ARHGAP22: variants seen among roughly 807,000 people sequenced by gnomAD.
ARHGAP22 encodes rho GTPase-activating protein 22.
ARHGAP22 carries 48 observed loss-of-function variants against 59.1 expected under a neutral mutation model. The ratio of observed to expected loss-of-function variants is 0.81; its 90% CI spans 0.64 to 1.03. The LOEUF (loss-of-function observed/expected upper bound fraction) is 1.03. Among genes scored for constraint, ARHGAP22 ranks in the 50% least tolerant of loss-of-function variants. The probability of loss-of-function intolerance (pLI) is 0.00; values close to 1 mark genes in which losing one functional copy is unlikely to be tolerated. For missense variants in ARHGAP22, 1,015 were observed against 958.7 expected, an observed-to-expected ratio of 1.06 and a Z score of -0.78; for synonymous variants, 445 against 416.4, an observed-to-expected ratio of 1.07 and a Z score of -0.84.
At chr10:48,524,142 C>T (rs1221327912) in intron 3 of ARHGAP22, 4 of 1,240,188 alleles carry the variant, frequency 3.2e-6, no homozygotes, top group African/African-American at 1.6e-5. Context: ...GCTCCTCTCC[C>T]CGCCTGCCGC....
chr10:48,520,687 G>T (rs1170737797), intron 3 of ARHGAP22, among the ~76,000 whole-genome samples: 1 of 152,182 alleles, frequency 6.6e-6, no homozygotes, highest in African/African-American at 2.4e-5. Context: ...GGAGTTGACG[G>T]GAGGGAGGGT....
chr10:48,535,691 G>C (rs2055282153), intron 3 of ARHGAP22, among the ~76,000 whole-genome samples: 1 of 152,232 alleles, frequency 6.6e-6, no homozygotes, highest in South Asian at 2.1e-4. Flanking sequence ...TGGCACCCAA[G>C]CTGGTGCGTT....
intron 1 of ARHGAP22, among the ~76,000 whole-genome samples, chr10:48,641,772 A>C (rs1448186734): frequency 6.6e-6 from 1 of 152,146 alleles, no homozygotes; most frequent in East Asian, 1.9e-4. Context: ...AAGAAATAAA[A>C]GGTATTCAAT....
intron 1 of ARHGAP22, among the ~76,000 whole-genome samples, chr10:48,614,901 T>C (rs1218753266): frequency 1.3e-5 from 2 of 152,238 alleles, no homozygotes; most frequent in African/African-American, 2.4e-5. Flanking sequence ...CTTGCCTTCA[T>C]CTCACCTAAC....
chr10:48,588,728 A>G (rs897351727), intron 1 of ARHGAP22, among the ~76,000 whole-genome samples: 3 of 152,294 alleles, frequency 2.0e-5, no homozygotes, highest in Admixed American at 6.5e-5. Context: ...ACAGAGCCCA[A>G]TTGACTTGAT....
At chr10:48,585,343 G>A (rs953966654) in intron 1 of ARHGAP22, among the ~76,000 whole-genome samples, 5 of 152,168 alleles carry the variant, frequency 3.3e-5, no homozygotes, top group African/African-American at 7.2e-5. Flanking sequence ...CCAGAGCTCC[G>A]GGCCTTCACG....
intron 3 of ARHGAP22, among the ~76,000 whole-genome samples, chr10:48,548,563 C>T (rs894504310): frequency 6.6e-6 from 1 of 152,176 alleles, no homozygotes; most frequent in Non-Finnish European, 1.5e-5. Flanking sequence ...TGGGGACAGG[C>T]CTGCTCTGGG....
rs150553983 is a variant in ARHGAP22, at chr10:48,459,876, C to T, written c.467G>A (p.Arg156His). 279 of 1,612,418 alleles carry T rather than the reference C, an allele frequency of 1.7e-4. No homozygotes were observed. In the African/African-American group the frequency reaches 1.8e-3, roughly 10 times the overall value. The change falls in exon 5 of 10, where the codon CGC becomes CAC. Residue 156 changes from arginine to histidine, a missense_variant. Arg to His is a conservative substitution (Grantham distance 29). Transcript: ENST00000249601. ...CTCGTGGTGGACTGTTTCCTCTAGG[C>T]GCTGCCCAAAGATCCCTGAGCACAG... ...APLGGGIFGQ[R>H]LEETVHHERK... is the part of the protein sequence containing the mutation.
upstream of ARHGAP22, chr10:48,605,262 C>T (rs550332686): frequency 2.2e-5 from 15 of 693,350 alleles, no homozygotes; most frequent in African/African-American, 2.5e-4. Context: ...GCCTTTCAGC[C>T]GCCGCCTGGG....
chr10:48,638,482 T>A (rs2061916478), intron 1 of ARHGAP22, among the ~76,000 whole-genome samples: 1 of 152,076 alleles, frequency 6.6e-6, no homozygotes, highest in Non-Finnish European at 1.5e-5. Context: ...AAACTAATCA[T>A]CTCATTACCC....
chr10:48,525,289 T>C (rs1467400674), intron 3 of ARHGAP22, among the ~76,000 whole-genome samples: 1 of 152,180 alleles, frequency 6.6e-6, no homozygotes, highest in Non-Finnish European at 1.5e-5. Context: ...AAAAGAATCA[T>C]CGGCCGGGCA....
intron 1 of ARHGAP22, among the ~76,000 whole-genome samples, chr10:48,594,991 T>G (rs2059981815): frequency 6.6e-6 from 1 of 151,924 alleles, no homozygotes; most frequent in Admixed American, 6.6e-5. Flanking sequence ...CTGAACATAT[T>G]CATTGTTTTC....
intron 3 of ARHGAP22, among the ~76,000 whole-genome samples, chr10:48,483,169 T>C (rs907147835): frequency 6.6e-6 from 1 of 152,194 alleles, no homozygotes; most frequent in African/African-American, 2.4e-5. Flanking sequence ...CTTTATCCAT[T>C]CATCCACTGA....
chr10:48,434,941 T>C, the ARHGAP22 span: 2 of 1,613,444 alleles, frequency 1.2e-6, no homozygotes, highest in East Asian at 2.2e-5. Context: ...GTCAATGATG[T>C]GTCTTCAATG....
chr10:48,626,659 G>A (rs1202646285), intron 1 of ARHGAP22, among the ~76,000 whole-genome samples: 2 of 152,190 alleles, frequency 1.3e-5, no homozygotes, highest in African/African-American at 4.8e-5. Flanking sequence ...GCCCTCGCAG[G>A]AGACAGAGCC....
the ARHGAP22 span, among the ~76,000 whole-genome samples, chr10:48,431,619 T>C: frequency 6.6e-6 from 1 of 152,332 alleles, no homozygotes; most frequent in South Asian, 2.1e-4. Flanking sequence ...AAATAAAAGC[T>C]TCACTGCAAA....
At chr10:48,515,406 T>C (rs936778837) in intron 3 of ARHGAP22, among the ~76,000 whole-genome samples, 1 of 152,198 alleles carries the variant, frequency 6.6e-6, no homozygotes, top group African/African-American at 2.4e-5. Context: ...TATAAACATA[T>C]ATGCCCCTAT....
At chr10:48,574,498 A>T (rs576624836) in intron 2 of ARHGAP22, among the ~76,000 whole-genome samples, 1 of 152,358 alleles carries the variant, frequency 6.6e-6, no homozygotes. Flanking sequence ...TTTACAGCTT[A>T]TGAAGGATGC....
At chr10:48,496,414 C>A (rs2050935526) in intron 3 of ARHGAP22, among the ~76,000 whole-genome samples, 1 of 152,160 alleles carries the variant, frequency 6.6e-6, no homozygotes, top group African/African-American at 2.4e-5. Flanking sequence ...GGCATTTTAT[C>A]CTCTCCATAG....
Sources: gnomAD v4.1 joint callset for allele counts (sites outside exome capture counted in the v4.1 genomes callset) on GRCh38, gnomAD v4.1.1 for gene constraint, MANE v1.5 for transcripts, NCBI Gene and HGNC (gene_info 2026-07-23, HGNC 2026-07-21) for gene names.